COL22A1: variants seen among roughly 807,000 people sequenced by gnomAD.
The protein encoded by COL22A1 is collagen type XXII alpha 1 chain.
In COL22A1, 221 loss-of-function variants were observed where a neutral mutation model predicts 248.9. That is an observed-to-expected ratio of 0.89 (90% CI 0.80 to 0.99). The LOEUF is 0.99. Ranked by LOEUF, COL22A1 falls within the 50% of genes least tolerant of loss-of-function variation. The pLI is 0.00. For synonymous variants in COL22A1, 891 were observed against 793.4 expected, an observed-to-expected ratio of 1.12 and a Z score of -2.07; for missense variants, 2,240 against 2,179.0, an observed-to-expected ratio of 1.03 and a Z score of -0.56.
intron 23 of COL22A1, among the ~76,000 whole-genome samples, chr8:138,735,016 G>A (rs2131238620): frequency 6.6e-6 from 1 of 151,800 alleles, no homozygotes; most frequent in Admixed American, 6.6e-5. Context: ...GGGCCTGTCA[G>A]TGGGTTGGGG....
At chr8:138,835,514 G>A (rs946168191) in intron 4 of COL22A1, among the ~76,000 whole-genome samples, 5 of 152,220 alleles carry the variant, frequency 3.3e-5, no homozygotes, top group African/African-American at 1.2e-4. Flanking sequence ...GGCACAGGCT[G>A]AGTGAGGCCA....
At chr8:138,766,154 C>T (rs1563733201) in intron 16 of COL22A1, among the ~76,000 whole-genome samples, 1 of 152,214 alleles carries the variant, frequency 6.6e-6, no homozygotes, top group East Asian at 1.9e-4. Flanking sequence ...CAGAGCAAGG[C>T]CAAGTGTGCC....
At chr8:138,679,794 A>G in intron 39 of COL22A1, 118 bp from the exon 40 acceptor site, 12 of 931,040 alleles carry the variant, frequency 1.3e-5, no homozygotes, top group Non-Finnish European at 1.9e-5. Flanking sequence ...CACAGTGTCC[A>G]GATTAGGGTC....
chr8:138,825,765 A>G (rs1268650766), intron 6 of COL22A1: 2 of 152,192 alleles, frequency 1.3e-5, no homozygotes, highest in African/African-American at 2.4e-5. Flanking sequence ...GTGAAAGTTT[A>G]GTCAGTATCT....
chr8:138,691,932 G>GTGTGTGTA (rs1826996987), intron 35 of COL22A1, among the ~76,000 whole-genome samples: 1 of 85,860 alleles, frequency 1.2e-5, no homozygotes, highest in African/African-American at 3.6e-5. Context: ...GTTTGTGGAG[G>GTGTGTGTA]TGTGTGTACG....
At chr8:138,903,505 C>T (rs551191516) in intron 1 of COL22A1, among the ~76,000 whole-genome samples, 6 of 152,240 alleles carry the variant, frequency 3.9e-5, no homozygotes, top group East Asian at 3.9e-4. Context: ...GAGAGAAAAG[C>T]GGGCACCTCA....
At chr8:138,805,544 G>T (rs938459196) in intron 10 of COL22A1, among the ~76,000 whole-genome samples, 1 of 138,992 alleles carries the variant, frequency 7.2e-6, no homozygotes, top group Non-Finnish European at 1.6e-5. Context: ...TGTGTGTGAT[G>T]GTATGTGTGA....
At chr8:138,684,906 A>G (rs534434356) in intron 38 of COL22A1, among the ~76,000 whole-genome samples, 1 of 152,310 alleles carries the variant, frequency 6.6e-6, no homozygotes, top group South Asian at 2.1e-4. Flanking sequence ...TTCTTTACGC[A>G]TACCACACTT....
At chr8:138,859,999 A>C (rs1444642887) in intron 3 of COL22A1, among the ~76,000 whole-genome samples, 1 of 152,086 alleles carries the variant, frequency 6.6e-6, no homozygotes, top group East Asian at 1.9e-4. Context: ...TCCTCATCAG[A>C]CCATTACTAT....
chr8:138,726,934 A>C (rs1038397122), intron 23 of COL22A1, among the ~76,000 whole-genome samples: 3 of 152,180 alleles, frequency 2.0e-5, no homozygotes, highest in Non-Finnish European at 2.9e-5. Flanking sequence ...AGCAGCCTGC[A>C]GTCTGGGGTG....
At chr8:138,854,318 A>G (rs1296884859) in intron 3 of COL22A1, among the ~76,000 whole-genome samples, 5 of 152,184 alleles carry the variant, frequency 3.3e-5, no homozygotes, top group Non-Finnish European at 7.4e-5. Flanking sequence ...AGGGAACAGA[A>G]AGGACAAGAG....
At chr8:138,662,161 G>A in intron 42 of COL22A1, 78 bp from the exon 43 acceptor site, 1 of 1,241,924 alleles carries the variant, frequency 8.1e-7, no homozygotes, top group Non-Finnish European at 1.2e-6. Flanking sequence ...GGCAATAGTT[G>A]GCTCTCCTTC....
chr8:138,824,445 T>G (rs1340968207), intron 6 of COL22A1, among the ~76,000 whole-genome samples: 2 of 152,202 alleles, frequency 1.3e-5, no homozygotes, highest in African/African-American at 4.8e-5. Context: ...CATCCACACT[T>G]GCCTGGATCA....
chr8:138,644,080 C>A (rs1821989364), intron 47 of COL22A1, among the ~76,000 whole-genome samples: 1 of 152,132 alleles, frequency 6.6e-6, no homozygotes, highest in African/African-American at 2.4e-5. Flanking sequence ...CCACACCTGA[C>A]CCCTATGCAA....
chr8:138,611,814 ACCTGCCACACACCC>A (rs567654333), intron 56 of COL22A1, among the ~76,000 whole-genome samples: 327 of 152,294 alleles, frequency 2.1e-3, no homozygotes, highest in Admixed American at 4.4e-3. Context: ...ACCTCATAGG[ACCTGCCACACACCC>A]CCTCTCTAGG....
At chr8:138,694,938 G>T in intron 32 of COL22A1, 59 bp from the exon 33 acceptor site, 1 of 1,555,016 alleles carries the variant, frequency 6.4e-7, no homozygotes, top group South Asian at 1.2e-5. Context: ...CTCGTCACAG[G>T]GTACATGTCC....
chr8:138,711,874 C>T (rs1208639569), intron 30 of COL22A1, among the ~76,000 whole-genome samples: 1 of 152,194 alleles, frequency 6.6e-6, no homozygotes, highest in East Asian at 1.9e-4. Flanking sequence ...TAGCGTGTGG[C>T]ATTCTGTGCT....
At chr8:138,782,426 C>A (rs1466755611) in intron 12 of COL22A1, among the ~76,000 whole-genome samples, 2 of 152,228 alleles carry the variant, frequency 1.3e-5, no homozygotes, top group Non-Finnish European at 2.9e-5. Context: ...CAATGTTGCC[C>A]AGGCAGGCCT....
intron 23 of COL22A1, among the ~76,000 whole-genome samples, 196 bp from the exon 24 acceptor site, chr8:138,725,636 C>T (rs897297399): frequency 6.6e-6 from 1 of 152,202 alleles, no homozygotes; most frequent in African/African-American, 2.4e-5. Flanking sequence ...TTGCAAAATG[C>T]TAACATTTCA....
Sources: gnomAD v4.1 joint callset for allele counts (sites outside exome capture counted in the v4.1 genomes callset) on GRCh38, gnomAD v4.1.1 for gene constraint, MANE v1.5 for transcripts, NCBI Gene and HGNC (gene_info 2026-07-23, HGNC 2026-07-21) for gene names.